The following ERBB4 variants were observed in gnomAD, a reference collection of about 807,000 sequenced individuals.
ERBB4 encodes the protein receptor tyrosine-protein kinase erbB-4.
In ERBB4, 42 loss-of-function variants were observed where a neutral mutation model predicts 158.0. The observed-to-expected ratio is 0.27, with a 90% CI of 0.21 to 0.34. The LOEUF (loss-of-function observed/expected upper bound fraction) is 0.34, where lower values mean the gene tolerates loss of function less well. ERBB4 is among the 10% of genes least tolerant of loss of function. The probability of loss-of-function intolerance (pLI) is 1.00; values close to 1 mark genes in which losing one functional copy is unlikely to be tolerated. For synonymous variants in ERBB4, 583 were observed against 558.7 expected (o/e 1.04, Z -0.61); for missense variants, 1,333 against 1,624.1 (o/e 0.82, Z 3.08).
At chr2:211,628,570 T>C (rs1332729962) in intron 17 of ERBB4, among the ~76,000 whole-genome samples, 1 of 152,262 alleles carries the variant, frequency 6.6e-6, no homozygotes, top group Non-Finnish European at 1.5e-5. Context: ...AGTCTATCAT[T>C]GCTGGACATT....
Position 212,204,709 on chromosome 2 carries a change from CA to C in ERBB4, c.83-79807del, listed in dbSNP as rs138872757. Among the ~76,000 whole-genome samples the C allele has an allele frequency of 9.0e-3, 1,151 of 128,186 alleles. 7 individuals carry two copies. Among genetic ancestry groups the C allele is most frequent in the Middle Eastern group, 0.03 (7 of 232 alleles). The allele number at this position is 128,186 out of a possible 152,430, so 84.1% of individuals were successfully genotyped here. On this transcript the variant is annotated intron_variant, in intron 1 of 27. Coordinates refer to ENST00000342788, the MANE Select transcript of ERBB4 (RefSeq NM_005235.3). Reference sequence around the variant, plus strand: ...GAGACTCTGTCCCCCACAAAAAAAACAAAAAAAAAAACAGTATTTATGATTG... The same window carrying C: ...GAGACTCTGTCCCCCACAAAAAAAACAAAAAAAAAACAGTATTTATGATTG...
intron 2 of ERBB4, among the ~76,000 whole-genome samples, chr2:212,119,279 T>C (rs1243393412): frequency 1.3e-5 from 2 of 152,182 alleles, no homozygotes; most frequent in Admixed American, 1.3e-4. Flanking sequence ...TTTCATAGTA[T>C]ACTTCTTTAC....
rs1332359947 is a variant in ERBB4, at chr2:212,336,147, T to C, written c.82+202302A>G. Among the ~76,000 whole-genome samples the C allele has an allele frequency of 7.2e-5, 11 of 152,124 alleles. No homozygotes were observed. The East Asian group carries it at 1.4e-3, about 19-fold the overall frequency. Reference sequence around the variant, plus strand: ...AAAAATTAAATTAGCATTAAATTCGTGTTTTACCATACTTCAATTTGTTTT... The same window carrying C: ...AAAAATTAAATTAGCATTAAATTCGCGTTTTACCATACTTCAATTTGTTTT... On this transcript the variant is annotated intron_variant, in intron 1 of 27. Coordinates refer to ENST00000342788, the MANE Select transcript of ERBB4 (RefSeq NM_005235.3).
At chr2:211,868,461 A>G (rs1413169582) in intron 3 of ERBB4, among the ~76,000 whole-genome samples, 1 of 152,242 alleles carries the variant, frequency 6.6e-6, no homozygotes, top group Non-Finnish European at 1.5e-5. Context: ...CCCTGAAGTG[A>G]AATAGAATGG....
At chr2:211,831,965 T>C (rs1306783783) in intron 3 of ERBB4, among the ~76,000 whole-genome samples, 2 of 152,206 alleles carry the variant, frequency 1.3e-5, no homozygotes, top group Admixed American at 1.3e-4. Flanking sequence ...TTTGTATTTC[T>C]TTTTAACTAG....
chr2:212,386,396 T>G (rs1041350813), intron 1 of ERBB4, among the ~76,000 whole-genome samples: 2 of 151,904 alleles, frequency 1.3e-5, no homozygotes, highest in African/African-American at 4.8e-5. Context: ...AATCATCTAC[T>G]TATGTCCTTA....
intron 16 of ERBB4, among the ~76,000 whole-genome samples, chr2:211,649,471 C>T (rs2070900733): frequency 6.6e-6 from 1 of 151,764 alleles, no homozygotes; most frequent in South Asian, 2.1e-4. Context: ...TCCTTTCTTT[C>T]CTGGTGTGTA....
At chr2:211,558,740 C>T (rs1008362229) in intron 20 of ERBB4, among the ~76,000 whole-genome samples, 1 of 151,782 alleles carries the variant, frequency 6.6e-6, no homozygotes, top group Non-Finnish European at 1.5e-5. Flanking sequence ...AGTCTGTTTC[C>T]ACTACACAAT....
intron 1 of ERBB4, among the ~76,000 whole-genome samples, chr2:212,312,351 T>C (rs749700273): frequency 2.5e-4 from 38 of 150,952 alleles, no homozygotes; most frequent in Non-Finnish European, 3.9e-4. Context: ...AGTTGTTGAG[T>C]GGTAAAATTT....
At chr2:212,523,195 T>C (rs1343346303) in intron 1 of ERBB4, among the ~76,000 whole-genome samples, 1 of 151,866 alleles carries the variant, frequency 6.6e-6, no homozygotes, top group Non-Finnish European at 1.5e-5. Context: ...CATATGTACA[T>C]CTGTCTTTTT....
intron 16 of ERBB4, 51 bp from the exon 17 acceptor site, chr2:211,630,645 G>C (rs2125873713): frequency 4.7e-6 from 7 of 1,487,584 alleles, no homozygotes; most frequent in Non-Finnish European, 6.5e-6. Context: ...AGAGAGAGAA[G>C]ACAGAGGAAG....
chr2:211,389,636 T>C (rs2062760795), intron 25 of ERBB4, among the ~76,000 whole-genome samples: 1 of 152,164 alleles, frequency 6.6e-6, no homozygotes, highest in Admixed American at 6.5e-5. Context: ...GTCAGAGATA[T>C]ATTTAATATG....
chr2:211,660,132 A>T (rs192678570), intron 15 of ERBB4, among the ~76,000 whole-genome samples: 1 of 152,202 alleles, frequency 6.6e-6, no homozygotes, highest in Non-Finnish European at 1.5e-5. Context: ...TTAGAACATT[A>T]GGTGGGAGCC....
intron 4 of ERBB4, among the ~76,000 whole-genome samples, chr2:211,775,523 A>G (rs2075850973): frequency 6.6e-6 from 1 of 152,212 alleles, no homozygotes; most frequent in Admixed American, 6.5e-5. Context: ...GAGTTAGCTA[A>G]AAGTGATCAG....
At chr2:211,519,431 G>T (rs1385901083) in intron 20 of ERBB4, among the ~76,000 whole-genome samples, 1 of 152,038 alleles carries the variant, frequency 6.6e-6, no homozygotes, top group Non-Finnish European at 1.5e-5. Context: ...CCACTGCCAT[G>T]GGTACCAAAG....
At chr2:212,126,143 C>T (rs7560730) in intron 1 of ERBB4, among the ~76,000 whole-genome samples, 126,987 of 152,144 alleles carry the variant, frequency 0.83, 54,589 homozygotes, top group African/African-American at 0.96. Flanking sequence ...TGTGAGCACA[C>T]AAGTTTACAC....
At chr2:212,206,573 C>T (rs1249908772) in intron 1 of ERBB4, among the ~76,000 whole-genome samples, 3 of 122,496 alleles carry the variant, frequency 2.4e-5, no homozygotes, top group African/African-American at 9.6e-5. Flanking sequence ...TATGAACTGT[C>T]TCCGTCTGTT....
At chr2:212,235,491 T>C (rs1268424256) in intron 1 of ERBB4, among the ~76,000 whole-genome samples, 1 of 152,188 alleles carries the variant, frequency 6.6e-6, no homozygotes, top group Admixed American at 6.5e-5. Context: ...AGTAGTTGGT[T>C]TTAATTCTGT....
At position 211,870,933 on chromosome 2, in the gene ERBB4, C is replaced by A. The variant is rs137861902; in HGVS notation, c.421+76497G>T. ...ACAATCAATTACTAAGTTTCTATCACGCAGAAAATGTGGCACAAGGCCCTG... is the reference window on the plus strand; with the variant it reads ...ACAATCAATTACTAAGTTTCTATCAAGCAGAAAATGTGGCACAAGGCCCTG... On this transcript the variant is annotated intron_variant, in intron 3 of 27. Coordinates refer to ENST00000342788, the MANE Select transcript of ERBB4 (RefSeq NM_005235.3). Among the ~76,000 whole-genome samples the A allele has an allele frequency of 4.3e-3, 655 of 152,152 alleles. 4 individuals carry two copies. Among genetic ancestry groups the A allele is most frequent in the African/African-American group, 0.015 (618 of 41,494 alleles).
Sources: allele counts gnomAD v4.1 joint callset (sites outside exome capture counted in the v4.1 genomes callset), GRCh38; gene constraint gnomAD v4.1.1; transcripts MANE v1.5; gene names NCBI Gene and HGNC (gene_info 2026-07-23, HGNC 2026-07-21).